The following BRWD3 variants were observed in gnomAD, a reference collection of about 807,000 sequenced individuals.
BRWD3 encodes bromodomain and WD repeat-containing protein 3.
Under a neutral mutation model 149.7 loss-of-function variants are expected in BRWD3, and 10 were observed. The observed-to-expected ratio is 0.07, with a 90% CI of 0.04 to 0.11. The LOEUF (loss-of-function observed/expected upper bound fraction) is 0.11. Ranked by LOEUF, BRWD3 falls within the 10% of genes least tolerant of loss-of-function variation. The pLI is 1.00. For synonymous variants in BRWD3, 504 were observed against 456.7 expected (o/e 1.10, Z -1.32); for missense variants, 940 against 1,373.2 (o/e 0.68, Z 4.99).
intron 39 of BRWD3, 111 bp from the exon 40 acceptor site, chrX:80,681,610 A>G (rs1469048735): frequency 3.2e-6 from 2 of 617,097 alleles, no homozygotes; most frequent in Non-Finnish European, 5.0e-6. Context: ...CACCAAAATT[A>G]TAAGTTTCTC....
At chrX:80,712,231 C>A (rs1266504138) in intron 20 of BRWD3, among the ~76,000 whole-genome samples, 2 of 111,553 alleles carry the variant, frequency 1.8e-5, no homozygotes, top group Non-Finnish European at 3.8e-5. Flanking sequence ...GCCATCTCGG[C>A]TCACTGCAAC....
Position 80,709,354 on chromosome X carries a change from C to T in BRWD3, c.2475+74G>A. On this transcript the variant is annotated intron_variant, in intron 21 of 40. Coordinates refer to ENST00000373275, the MANE Select transcript of BRWD3 (RefSeq NM_153252.5). The stretch of plus-strand genomic sequence containing the variant: ...AAATAATTTTCTATTAAAGAAGTGA[C>T]CCTTAAACCCAAATGGATGATACAA... 4.4e-6 allele frequency: 4 copies of T among 903,601 alleles called. No individual in the cohort carries two copies. The East Asian group carries it at 1.3e-4, about 30-fold the overall frequency. The allele number at this position is 903,601 out of a possible 1,213,427, so 74.5% of individuals were successfully genotyped here.
chrX:80,728,512 T>C (rs1205385119), intron 14 of BRWD3, among the ~76,000 whole-genome samples: 1 of 111,317 alleles, frequency 9.0e-6, no homozygotes, highest in Non-Finnish European at 1.9e-5. Context: ...TACAATAACA[T>C]AGTAGATGAG....
intron 6 of BRWD3, among the ~76,000 whole-genome samples, chrX:80,757,169 A>G (rs777049901): frequency 3.6e-5 from 4 of 111,966 alleles, no homozygotes; most frequent in Non-Finnish European, 3.8e-5. Flanking sequence ...TTGATTAGTA[A>G]CTTAATTATT....
chrX:80,809,091 C>A, intron 2 of BRWD3, 49 bp from the exon 3 acceptor site: 1 of 1,168,141 alleles, frequency 8.6e-7, no homozygotes, highest in Non-Finnish European at 1.1e-6. Context: ...GGCCATCAAC[C>A]CATTCCTCCC....
intron 27 of BRWD3, among the ~76,000 whole-genome samples, chrX:80,694,701 C>T (rs1326342186): frequency 9.0e-6 from 1 of 111,147 alleles, no homozygotes; most frequent in Non-Finnish European, 1.9e-5. Context: ...TGCATGGAGC[C>T]TTCAGTCCCT....
intron 14 of BRWD3, 52 bp from the exon 15 acceptor site, chrX:80,725,119 ATTTGGTAAAAAGG>A (rs1197171502): frequency 5.2e-6 from 6 of 1,161,786 alleles, no homozygotes; most frequent in Non-Finnish European, 7.0e-6. Flanking sequence ...TGTTTGGTTC[ATTTGGTAAAAAGG>A]TCTTCAGTGT....
chrX:80,687,400 C>A (rs952877691), intron 34 of BRWD3, among the ~76,000 whole-genome samples: 3 of 110,950 alleles, frequency 2.7e-5, no homozygotes, highest in Admixed American at 9.6e-5. Context: ...TCCCAGAAAT[C>A]CTTTGTGGTC....
At chrX:80,713,105 G>A (rs1421500797) in intron 20 of BRWD3, among the ~76,000 whole-genome samples, 7 of 108,233 alleles carry the variant, frequency 6.5e-5, no homozygotes, top group East Asian at 3.0e-4. Context: ...CGCCCCGTCC[G>A]GGAGGTGAGG....
chrX:80,710,722 C>G (rs1156597507), intron 20 of BRWD3: 4 of 623,547 alleles, frequency 6.4e-6, no homozygotes, highest in African/African-American at 2.2e-5. Flanking sequence ...ATAAGCCAGC[C>G]TATGTATGTA....
At chrX:80,700,433 G>GAT (rs748889698) in intron 24 of BRWD3, among the ~76,000 whole-genome samples, 20 of 55,633 alleles carry the variant, frequency 3.6e-4, no homozygotes, top group African/African-American at 6.9e-4. Context: ...GAAAATATTT[G>GAT]ATATATATAA....
At chrX:80,808,923 T>C in intron 3 of BRWD3, 90 bp downstream of exon 3, 1 of 1,023,588 alleles carries the variant, frequency 9.8e-7, no homozygotes, top group Non-Finnish European at 1.3e-6. Context: ...TCGAAGCCTC[T>C]ATCCCAGCCC....
intron 8 of BRWD3, among the ~76,000 whole-genome samples, chrX:80,742,363 CT>C: frequency 9.7e-6 from 1 of 102,737 alleles, no homozygotes; most frequent in East Asian, 3.1e-4. Flanking sequence ...TGGCTTTGTT[CT>C]TTTGGCTTAG....
chrX:80,735,909 A>C (rs2073397306), intron 9 of BRWD3, 79 bp downstream of exon 9: 18 of 606,922 alleles, frequency 3.0e-5, no homozygotes, highest in Non-Finnish European at 4.8e-5. Flanking sequence ...ATATATATTT[A>C]AATACATGGA....
intron 27 of BRWD3, among the ~76,000 whole-genome samples, chrX:80,695,194 C>G (rs892624295): frequency 5.4e-5 from 6 of 111,571 alleles, no homozygotes; most frequent in African/African-American, 2.0e-4. Flanking sequence ...TTGCCTTCTG[C>G]CATGATTGTA....
intron 6 of BRWD3, among the ~76,000 whole-genome samples, chrX:80,751,411 A>C (rs1408459980): frequency 8.9e-6 from 1 of 111,870 alleles, no homozygotes; most frequent in East Asian, 2.8e-4. Flanking sequence ...TGAAACAAAC[A>C]AAAAGAGAAG....
At position 80,692,233 on chromosome X, in the gene BRWD3, T is replaced by C. The variant is rs1008298250; in HGVS notation, c.3264-83A>G. ...ACTACCACAATTTTACATGACTTCT[T>C]GGGGGTGAAATTTGAAAAAGGGCAA... On this transcript the variant is annotated intron_variant, in intron 28 of 40. Transcript: ENST00000373275. 127 of 914,351 alleles carry C rather than the reference T, an allele frequency of 1.4e-4. 1 individual carries two copies. The highest frequency in any genetic ancestry group is 9.2e-4 in the South Asian group (44 of 47,943). 75.4% of individuals were successfully genotyped at this position (914,351 alleles called of 1,213,427 possible). A position where few individuals can be genotyped will look rare whatever the true frequency, so the allele number is the denominator to read the frequency against.
chrX:80,755,316 G>C (rs1415027231), intron 6 of BRWD3, among the ~76,000 whole-genome samples: 2 of 111,376 alleles, frequency 1.8e-5, no homozygotes, highest in African/African-American at 6.5e-5. Flanking sequence ...ACACCCAAAA[G>C]ATGATTTGGT....
At chrX:80,745,815 C>T (rs995960775) in intron 6 of BRWD3, 86 bp from the exon 7 acceptor site, 17 of 889,975 alleles carry the variant, frequency 1.9e-5, no homozygotes, top group Non-Finnish European at 2.6e-5. Flanking sequence ...TGAGACAAAA[C>T]AGAGTACATA....
Sources: gnomAD v4.1 joint callset for allele counts (sites outside exome capture counted in the v4.1 genomes callset) on GRCh38, gnomAD v4.1.1 for gene constraint, MANE v1.5 for transcripts, NCBI Gene and HGNC (gene_info 2026-07-23, HGNC 2026-07-21) for gene names.